The following CUBN variants were observed in gnomAD, a reference collection of about 807,000 sequenced individuals.
The protein encoded by CUBN is cubilin.
In CUBN, 282 loss-of-function variants were observed where a neutral mutation model predicts 405.3. The observed-to-expected ratio is 0.70, with a 90% CI of 0.63 to 0.77. CUBN has a LOEUF of 0.77. Among genes scored for constraint, CUBN ranks in the 30% least tolerant of loss-of-function variants. The pLI is 0.00. For missense variants in CUBN, 4,514 were observed against 4,475.2 expected (o/e 1.01, Z -0.25); for synonymous variants, 1,684 against 1,617.0 (o/e 1.04, Z -0.99).
chr10:17,085,402 G>T (rs1350808640), intron 16 of CUBN, among the ~76,000 whole-genome samples, 195 bp downstream of exon 16: 1 of 151,868 alleles, frequency 6.6e-6, no homozygotes, highest in African/African-American at 2.4e-5. Context: ...GGGATCAAAG[G>T]GTATTGCAGT....
intron 32 of CUBN, among the ~76,000 whole-genome samples, chr10:16,953,461 T>C (rs1019239945): frequency 6.6e-6 from 1 of 152,092 alleles, no homozygotes; most frequent in Non-Finnish European, 1.5e-5. Flanking sequence ...ACAGACTAAA[T>C]GTATTTGTAG....
At chr10:16,843,705 A>G (rs1297250822) in intron 60 of CUBN, among the ~76,000 whole-genome samples, 2 of 152,006 alleles carry the variant, frequency 1.3e-5, no homozygotes, top group Non-Finnish European at 2.9e-5. Context: ...GCTAGATCCC[A>G]GGCATACAAG....
chr10:16,913,109 A>ATC (rs1841779070), intron 48 of CUBN, among the ~76,000 whole-genome samples: 1 of 152,194 alleles, frequency 6.6e-6, no homozygotes, highest in Non-Finnish European at 1.5e-5. Context: ...GGATTCCAAA[A>ATC]TAGACATCAA....
intron 31 of CUBN, among the ~76,000 whole-genome samples, chr10:16,977,879 T>A (rs1203586241): frequency 6.6e-6 from 1 of 152,254 alleles, no homozygotes; most frequent in South Asian, 2.1e-4. Flanking sequence ...CACACCCCTG[T>A]TGAATGTCCT....
intron 56 of CUBN, among the ~76,000 whole-genome samples, chr10:16,879,894 A>C (rs567641099): frequency 6.6e-5 from 10 of 152,278 alleles, no homozygotes; most frequent in Non-Finnish European, 7.3e-5. Flanking sequence ...GTGCAACCCA[A>C]CTCTAGCTTA....
intron 43 of CUBN, among the ~76,000 whole-genome samples, chr10:16,920,876 G>A (rs1174752391): frequency 6.6e-6 from 1 of 152,094 alleles, no homozygotes; most frequent in Non-Finnish European, 1.5e-5. Flanking sequence ...TAGAACATTT[G>A]TGTCCACTGT....
chr10:17,111,731 C>T (rs917963535), intron 8 of CUBN, among the ~76,000 whole-genome samples: 2 of 152,160 alleles, frequency 1.3e-5, no homozygotes, highest in African/African-American at 4.8e-5. Context: ...CAAGACCAGC[C>T]TGGCCAAAAT....
intron 28 of CUBN, among the ~76,000 whole-genome samples, chr10:16,994,404 A>G (rs1025530888): frequency 2.0e-5 from 3 of 152,248 alleles, no homozygotes; most frequent in African/African-American, 7.2e-5. Flanking sequence ...TTATTTGAAG[A>G]AAACAACCTG....
At chr10:17,117,407 C>G (rs1836929860) in intron 6 of CUBN, among the ~76,000 whole-genome samples, 1 of 152,148 alleles carries the variant, frequency 6.6e-6, no homozygotes, top group African/African-American at 2.4e-5. Flanking sequence ...TGGAGTCTCA[C>G]TCTGTCACCC....
intron 3 of CUBN, among the ~76,000 whole-genome samples, chr10:17,127,216 C>CTG: frequency 6.6e-6 from 1 of 150,376 alleles, no homozygotes; most frequent in African/African-American, 2.4e-5. Flanking sequence ...CTTTCTTTCT[C>CTG]TCTCTCTCTC....
At chr10:16,899,489 C>T (rs1190879658) in intron 53 of CUBN, among the ~76,000 whole-genome samples, 2 of 152,160 alleles carry the variant, frequency 1.3e-5, no homozygotes, top group African/African-American at 2.4e-5. Flanking sequence ...TTTTTATTCT[C>T]TTTGAGCCTA....
At chr10:17,063,016 C>T (rs868151334) in intron 22 of CUBN, among the ~76,000 whole-genome samples, 3 of 152,232 alleles carry the variant, frequency 2.0e-5, no homozygotes, top group Admixed American at 6.5e-5. Flanking sequence ...CACTCTGACT[C>T]TGGCTGCCTT....
intron 51 of CUBN, among the ~76,000 whole-genome samples, chr10:16,903,252 A>C (rs1841449875): frequency 6.6e-6 from 1 of 152,186 alleles, no homozygotes; most frequent in Non-Finnish European, 1.5e-5. Context: ...TTTACATTTA[A>C]AAAAAGCTTT....
At chr10:16,834,540 T>C (rs1227232207) in intron 64 of CUBN, among the ~76,000 whole-genome samples, 1 of 152,166 alleles carries the variant, frequency 6.6e-6, no homozygotes, top group African/African-American at 2.4e-5. Context: ...CACTTGTCTT[T>C]AGAGGATGTT....
Position 16,947,287 on chromosome 10 carries a change from A to G in CUBN, c.5290T>C (p.Cys1764Arg), listed in dbSNP as rs778160934. ...GGGGAACTGACGATGTTCCAGACACATTCCACATTAGGGGGATAAATGTCT... is the reference window on the plus strand; with the variant it reads ...GGGGAACTGACGATGTTCCAGACACGTTCCACATTAGGGGGATAAATGTCT... ...YPDIYPPNVE[C>R]VWNIVSSPGN... Residue 1764 changes from cysteine to arginine, a missense_variant, in exon 36 of 67, where the codon TGT becomes CGT. Cys to Arg is a radical substitution (Grantham distance 180). This residue lies in a region of CUBN where 1,613 missense variants were observed against 1,542.8 expected (regional missense o/e 1.05). Coordinates refer to ENST00000377833, the MANE Select transcript of CUBN (RefSeq NM_001081.4). The G allele has an allele frequency of 3.1e-6, 5 of 1,614,010 alleles. No individual in the cohort carries two copies. Among genetic ancestry groups the G allele is most frequent in the African/African-American group, 1.3e-5 (1 of 74,932 alleles).
intron 22 of CUBN, among the ~76,000 whole-genome samples, chr10:17,053,651 C>A (rs1335941311): frequency 6.6e-6 from 1 of 152,010 alleles, no homozygotes; most frequent in East Asian, 1.9e-4. Context: ...ACCTTTCTCT[C>A]AGTAACCGAA....
chr10:17,095,309 T>C (rs890857580), intron 14 of CUBN, among the ~76,000 whole-genome samples: 1 of 151,962 alleles, frequency 6.6e-6, no homozygotes, highest in African/African-American at 2.4e-5. Flanking sequence ...CAGGAAAACA[T>C]ACAGGAAAAG....
At position 16,925,362 on chromosome 10, in the gene CUBN, A is replaced by G; in HGVS notation, c.6525T>C (p.Phe2175=). 6.2e-7 allele frequency: 1 copy of G among 1,614,010 alleles called. No homozygotes were observed. Reference sequence around the variant, plus strand: ...GAGTTGATGAAGCATGACTGCCACAAAAATGACCATTTCCTCCAGGGGGTC... The same window carrying G: ...GAGTTGATGAAGCATGACTGCCACAGAAATGACCATTTCCTCCAGGGGGTC... The part of the protein sequence containing the change: ...PLGPPGGNGH[F]CGSHASSTLF... Residue 2175 remains phenylalanine (F), a synonymous_variant, in exon 43 of 67, where the codon TTT becomes TTC. Coordinates refer to ENST00000377833, the MANE Select transcript of CUBN (RefSeq NM_001081.4).
intron 27 of CUBN, among the ~76,000 whole-genome samples, chr10:17,022,668 G>A (rs1834530346): frequency 6.6e-6 from 1 of 152,158 alleles, no homozygotes; most frequent in African/African-American, 2.4e-5. Context: ...TTCCCTGCAG[G>A]AGATTCATCT....
Sources: gnomAD v4.1 joint callset for allele counts (sites outside exome capture counted in the v4.1 genomes callset) on GRCh38, gnomAD v4.1.1 for gene constraint, gnomAD v4.1.1 regional missense constraint, MANE v1.5 for transcripts, NCBI Gene and HGNC (gene_info 2026-07-23, HGNC 2026-07-21) for gene names.